CLCN5: variants seen among roughly 807,000 people sequenced by gnomAD.
The protein encoded by CLCN5 is Cl-/H+ antiporter 5.
CLCN5 carries 17 observed loss-of-function variants against 54.0 expected under a neutral mutation model. The observed-to-expected ratio is 0.31, with a 90% CI of 0.22 to 0.47. The LOEUF is 0.47. Among genes scored for constraint, CLCN5 ranks in the 20% least tolerant of loss-of-function variants. The probability of loss-of-function intolerance (pLI) is 1.00; values close to 1 mark genes in which losing one functional copy is unlikely to be tolerated. For missense variants in CLCN5, 448 were observed against 646.7 expected (o/e 0.69, Z 3.33); for synonymous variants, 222 against 233.0 (o/e 0.95, Z 0.43).
At chrX:49,929,062 G>A (rs1925503251) in intron 3 of CLCN5, among the ~76,000 whole-genome samples, 1 of 111,683 alleles carries the variant, frequency 9.0e-6, no homozygotes, top group African/African-American at 3.3e-5. Context: ...CTTTCCGTGG[G>A]CTCATGGAAG....
intron 3 of CLCN5, among the ~76,000 whole-genome samples, chrX:50,023,011 AGTTCAATTCCTGG>A (rs1476309639): frequency 1.2e-5 from 1 of 86,731 alleles, no homozygotes; most frequent in Non-Finnish European, 2.1e-5. Flanking sequence ...TGCAGAGCTG[AGTTCAATTCCTGG>A]GTATCCTTGT....
chrX:50,059,081 G>A (rs1389010234), intron 4 of CLCN5, among the ~76,000 whole-genome samples: 2 of 111,465 alleles, frequency 1.8e-5, no homozygotes, highest in African/African-American at 6.5e-5. Context: ...TTTCTATTAA[G>A]TTTTAAAAAT....
At chrX:50,044,171 G>A (rs190517011) in intron 4 of CLCN5, among the ~76,000 whole-genome samples, 1 of 111,657 alleles carries the variant, frequency 9.0e-6, no homozygotes, top group African/African-American at 3.2e-5. Context: ...ATACAGTTAA[G>A]TGCTCAATAA....
intron 6 of CLCN5, 79 bp downstream of exon 6, chrX:50,072,667 C>T (rs782366642): frequency 6.3e-5 from 46 of 726,375 alleles, no homozygotes; most frequent in Middle Eastern, 2.9e-4. Context: ...AGCTGAGTCA[C>T]GTACTGTGTT....
intron 3 of CLCN5, chrX:50,003,597 C>T (rs1557180953): frequency 2.8e-6 from 1 of 353,374 alleles, no homozygotes; most frequent in Non-Finnish European, 5.8e-6. Flanking sequence ...CCTCAGCTTT[C>T]CTTGCTCTCT....
chrX:49,956,638 G>A (rs934633794), intron 3 of CLCN5, among the ~76,000 whole-genome samples: 55 of 111,013 alleles, frequency 5.0e-4, no homozygotes, highest in African/African-American at 1.6e-3. Context: ...TTTCAGATAC[G>A]GGACAGGTAA....
chrX:49,934,611 T>G (rs929425626), intron 3 of CLCN5, among the ~76,000 whole-genome samples: 5 of 111,615 alleles, frequency 4.5e-5, no homozygotes, highest in Non-Finnish European at 9.4e-5. Flanking sequence ...TTATATTTAT[T>G]TAGGATTTCT....
intron 3 of CLCN5, chrX:49,945,237 A>G (rs1557171727): frequency 9.0e-6 from 1 of 111,676 alleles, no homozygotes; most frequent in Admixed American, 9.5e-5. Context: ...CCCTGTTAAT[A>G]TGGTCGCAAA....
intron 9 of CLCN5, among the ~76,000 whole-genome samples, chrX:50,083,034 T>C (rs1338116546): frequency 2.7e-5 from 3 of 111,367 alleles, no homozygotes; most frequent in African/African-American, 9.8e-5. Context: ...ATTGGTTTAC[T>C]TTTTTCTTGC....
At chrX:49,928,701 G>A (rs947170327) in intron 3 of CLCN5, among the ~76,000 whole-genome samples, 3 of 111,543 alleles carry the variant, frequency 2.7e-5, no homozygotes, top group Non-Finnish European at 5.7e-5. Flanking sequence ...CGAGGCGGGC[G>A]GATCACGAGG....
At chrX:49,939,650 TAG>T (rs1926218811) in intron 3 of CLCN5, among the ~76,000 whole-genome samples, 1 of 108,412 alleles carries the variant, frequency 9.2e-6, no homozygotes, top group South Asian at 4.1e-4. Context: ...GGGTAGGGGG[TAG>T]AGGGGAGGGA....
chrX:50,064,196 A>G (rs1237038086), intron 4 of CLCN5, among the ~76,000 whole-genome samples: 3 of 111,200 alleles, frequency 2.7e-5, no homozygotes, highest in South Asian at 3.8e-4. Context: ...AGGGTGTTCA[A>G]TTAGGAAAAG....
At position 50,090,006 on chromosome X, in the gene CLCN5, G is replaced by A. The variant is rs918978323; in HGVS notation, c.1745-110G>A. 40 of 773,018 alleles carry A rather than the reference G, an allele frequency of 5.2e-5. No individual in the cohort carries two copies. The East Asian group carries it at 1.3e-3, about 24-fold the overall frequency. 63.7% of individuals were successfully genotyped at this position (773,018 alleles called of 1,213,427 possible). A position where few individuals can be genotyped will look rare whatever the true frequency, so the allele number is the denominator to read the frequency against. On this transcript the variant is annotated intron_variant, in intron 12 of 14. Coordinates refer to ENST00000376091, the MANE Select transcript of CLCN5 (RefSeq NM_001127898.4). ...TGCAATCTCTGGGGTCTGCACAGTT[G>A]TAGGTGAGACCTCATTGTTTTTGGT...
intron 3 of CLCN5, among the ~76,000 whole-genome samples, chrX:49,980,814 C>A (rs1928695217): frequency 9.0e-6 from 1 of 110,903 alleles, no homozygotes. Flanking sequence ...TTCTAGTGTT[C>A]CTTTCTTGTT....
intron 4 of CLCN5, among the ~76,000 whole-genome samples, chrX:50,060,424 C>T (rs1239937872): frequency 2.8e-5 from 3 of 108,420 alleles, no homozygotes; most frequent in African/African-American, 6.7e-5. Context: ...GGGTCACTCC[C>T]ACCCGAATAT....
At chrX:50,074,992 C>T (rs1371404173) in intron 6 of CLCN5, among the ~76,000 whole-genome samples, 8 of 112,039 alleles carry the variant, frequency 7.1e-5, no homozygotes, top group African/African-American at 2.6e-4. Context: ...AGTCTATTAG[C>T]CACAGTGCAT....
chrX:49,970,825 A>G (rs1401427813), intron 3 of CLCN5, among the ~76,000 whole-genome samples: 1 of 111,495 alleles, frequency 9.0e-6, no homozygotes, highest in Non-Finnish European at 1.9e-5. Flanking sequence ...TAGTATTTTG[A>G]GAAACTGCCA....
At chrX:50,018,787 A>G (rs1456429843) in intron 3 of CLCN5, among the ~76,000 whole-genome samples, 3 of 112,467 alleles carry the variant, frequency 2.7e-5, no homozygotes, top group African/African-American at 6.4e-5. Context: ...CTAGCCTTCC[A>G]TAACTGGGAT....
intron 3 of CLCN5, among the ~76,000 whole-genome samples, chrX:49,935,721 G>T (rs782594014): frequency 9.0e-6 from 1 of 111,212 alleles, no homozygotes; most frequent in Non-Finnish European, 1.9e-5. Flanking sequence ...GAGACAAGGT[G>T]GAAATCCCTG....
Sources: gnomAD v4.1 joint callset for allele counts (sites outside exome capture counted in the v4.1 genomes callset) on GRCh38, gnomAD v4.1.1 for gene constraint, MANE v1.5 for transcripts, NCBI Gene and HGNC (gene_info 2026-07-23, HGNC 2026-07-21) for gene names.